The following ZMIZ1 variants were observed in gnomAD, a reference collection of about 807,000 sequenced individuals.
The protein encoded by ZMIZ1 is zinc finger MIZ domain-containing protein 1.
A neutral mutation model predicts 113.9 loss-of-function variants in ZMIZ1; 17 were observed. The ratio of observed to expected loss-of-function variants is 0.15; its 90% CI spans 0.10 to 0.22. The LOEUF (loss-of-function observed/expected upper bound fraction) is 0.22. Ranked by LOEUF, ZMIZ1 falls within the 10% of genes least tolerant of loss-of-function variation. ZMIZ1 has a pLI of 1.00. For synonymous variants in ZMIZ1, 607 were observed against 603.1 expected, an observed-to-expected ratio of 1.01 and a Z score of -0.09; for missense variants, 1,059 against 1,477.8, an observed-to-expected ratio of 0.72 and a Z score of 4.65.
At chr10:79,270,573 T>C (rs4980056) in intron 7 of ZMIZ1, among the ~76,000 whole-genome samples, 33,737 of 152,142 alleles carry the variant, frequency 0.22, 5,377 homozygotes, top group African/African-American at 0.45. Flanking sequence ...AGGACACGTG[T>C]TGCTTGTCAG....
intron 23 of ZMIZ1, 72 bp downstream of exon 23, chr10:79,307,643 G>A (rs925935729): frequency 6.6e-7 from 1 of 1,519,440 alleles, no homozygotes; most frequent in Non-Finnish European, 8.9e-7. Context: ...TGGATACCCT[G>A]TTCCCTCCCA....
chr10:79,088,097 A>C (rs1842870262), intron 1 of ZMIZ1, among the ~76,000 whole-genome samples: 1 of 152,132 alleles, frequency 6.6e-6, no homozygotes, highest in Non-Finnish European at 1.5e-5. Flanking sequence ...GCATGGTCTG[A>C]CCCCTGGCCC....
chr10:79,166,917 T>A (rs1846375003), intron 4 of ZMIZ1, among the ~76,000 whole-genome samples: 1 of 152,242 alleles, frequency 6.6e-6, no homozygotes, highest in Non-Finnish European at 1.5e-5. Context: ...CAGCCTGGCA[T>A]TCAAAGTCAC....
At position 79,314,552 on chromosome 10, in the gene ZMIZ1, C is replaced by A. The variant is rs1026873540; in HGVS notation, c.*1803C>A. On this transcript the variant is annotated 3_prime_UTR_variant, in exon 25 of 25. Coordinates refer to ENST00000334512, the MANE Select transcript of ZMIZ1 (RefSeq NM_020338.4). ...TATGCAAATCAATTATTTTAAGAAT[C>A]GCTTTTGTAAATATCTTTGTGAATA... 1.9e-5 allele frequency: 5 copies of A among 263,772 alleles called. No homozygotes were observed. Among genetic ancestry groups the A allele is most frequent in the African/African-American group, 1.1e-4 (5 of 44,204 alleles). 16.3% of individuals were successfully genotyped at this position (263,772 alleles called of 1,614,324 possible). A position where few individuals can be genotyped will look rare whatever the true frequency, so the allele number is the denominator to read the frequency against.
intron 4 of ZMIZ1, among the ~76,000 whole-genome samples, chr10:79,177,931 T>C (rs1846940437): frequency 6.6e-6 from 1 of 152,208 alleles, no homozygotes; most frequent in Admixed American, 6.5e-5. Context: ...TCTTTTCTTC[T>C]CTTTTGGACT....
intron 1 of ZMIZ1, among the ~76,000 whole-genome samples, chr10:79,079,624 G>A (rs184155353): frequency 6.6e-6 from 1 of 150,798 alleles, no homozygotes; most frequent in East Asian, 2.1e-4. Flanking sequence ...AGGCCACAGG[G>A]CCTGGCACTG....
intron 13 of ZMIZ1, among the ~76,000 whole-genome samples, chr10:79,297,105 GT>G (rs1375714315): frequency 6.6e-6 from 1 of 152,088 alleles, no homozygotes; most frequent in Non-Finnish European, 1.5e-5. Context: ...AGCCCCTGGG[GT>G]TTTTACTTTT....
At chr10:79,268,956 G>A (rs1428126513) in intron 7 of ZMIZ1, among the ~76,000 whole-genome samples, 3 of 152,202 alleles carry the variant, frequency 2.0e-5, no homozygotes, top group African/African-American at 7.2e-5. Flanking sequence ...GGAACAGACT[G>A]CAAAGATCAT....
At position 79,314,521 on chromosome 10, in the gene ZMIZ1, G is replaced by C. The variant is rs2132125103; in HGVS notation, c.*1772G>C. 1 of 316,332 alleles carries C rather than the reference G, an allele frequency of 3.2e-6. No homozygotes were observed. Among genetic ancestry groups the C allele is most frequent in the South Asian group, 2.6e-5 (1 of 38,074 alleles). The allele number at this position is 316,332 out of a possible 1,614,324, so 19.6% of individuals were successfully genotyped here. A position where few individuals can be genotyped will look rare whatever the true frequency, so the allele number is the denominator to read the frequency against. Reference sequence around the variant, plus strand: ...TCGAGGTTTTTTCAAATAGCGTGTTGTTCAGTATGCAAATCAATTATTTTA... The same window carrying C: ...TCGAGGTTTTTTCAAATAGCGTGTTCTTCAGTATGCAAATCAATTATTTTA... On this transcript the variant is annotated 3_prime_UTR_variant, in exon 25 of 25. Transcript: ENST00000334512.
At chr10:79,226,340 G>A (rs1849199518) in intron 7 of ZMIZ1, among the ~76,000 whole-genome samples, 1 of 152,086 alleles carries the variant, frequency 6.6e-6, no homozygotes, top group Non-Finnish European at 1.5e-5. Flanking sequence ...AGCTGGAACA[G>A]CTTCTCTGGA....
rs745656286 is a variant in ZMIZ1, at chr10:79,312,734, A to G, written c.3189A>G (p.Leu1063=). 6.2e-7 allele frequency: 1 copy of G among 1,613,966 alleles called. No individual in the cohort carries two copies. The highest frequency in any genetic ancestry group is 1.3e-5 in the African/African-American group (1 of 74,896). ...PSNSNDDLLS[L]FENN ...ATAGTAACGATGACCTCCTGTCTCT[A>G]TTTGAGAACAACTGAGGGCCACCCG... Residue 1063 remains leucine, a synonymous_variant, in exon 25 of 25, where the codon CTA becomes CTG. Coordinates refer to ENST00000334512, the MANE Select transcript of ZMIZ1 (RefSeq NM_020338.4).
At chr10:79,285,594 A>C (rs1297175528) in intron 8 of ZMIZ1, 1 of 455,918 alleles carries the variant, frequency 2.2e-6, no homozygotes, top group Non-Finnish European at 4.4e-6. Context: ...AACGAAATGG[A>C]CATATTCATT....
intron 4 of ZMIZ1, among the ~76,000 whole-genome samples, chr10:79,192,960 C>CT (rs1564710130): frequency 6.6e-6 from 1 of 152,140 alleles, no homozygotes; most frequent in East Asian, 1.9e-4. Flanking sequence ...TCTCTCTGCC[C>CT]TTCTTTCTGA....
rs1009499150 is a variant in ZMIZ1 at position 79,296,100 on chromosome 10, C to T, written c.1231-371C>T. 1.5e-5 allele frequency: 4 copies of T among 262,778 alleles called. No individual in the cohort carries two copies. The highest frequency in any genetic ancestry group is 6.9e-5 in the African/African-American group (3 of 43,646). 16.3% of individuals were successfully genotyped at this position (262,778 alleles called of 1,614,324 possible). On this transcript the variant is annotated intron_variant, in intron 12 of 24. Transcript: ENST00000334512. This position sits in a 1 kb window ranked among gnomAD's most constrained non-coding sequence, Gnocchi z 4.1. ...TCCTGTTGACTGTGTTCCTCTGTCACATTGGGGTACACATTGGGGAGCACA... is the reference window on the plus strand; with the variant it reads ...TCCTGTTGACTGTGTTCCTCTGTCATATTGGGGTACACATTGGGGAGCACA...
intron 5 of ZMIZ1, among the ~76,000 whole-genome samples, chr10:79,203,883 C>T (rs1848206358): frequency 1.3e-5 from 2 of 152,240 alleles, no homozygotes; most frequent in Non-Finnish European, 1.5e-5. Flanking sequence ...TCACCTGCCC[C>T]GGCACACACA....
intron 7 of ZMIZ1, among the ~76,000 whole-genome samples, chr10:79,234,701 G>GTCTT (rs1564540225): frequency 6.6e-6 from 1 of 152,184 alleles, no homozygotes; most frequent in African/African-American, 2.4e-5. Context: ...TGGAACCAGC[G>GTCTT]TCTTTGCCTT....
intron 7 of ZMIZ1, among the ~76,000 whole-genome samples, chr10:79,238,203 A>ACC (rs1849674129): frequency 6.6e-6 from 1 of 151,438 alleles, no homozygotes; most frequent in Non-Finnish European, 1.5e-5. Context: ...CTTTCCTGGA[A>ACC]CCCCAGTAAC....
intron 3 of ZMIZ1, among the ~76,000 whole-genome samples, chr10:79,141,814 G>A (rs1053575846): frequency 1.3e-5 from 2 of 152,170 alleles, no homozygotes; most frequent in Non-Finnish European, 2.9e-5. Flanking sequence ...ATCCAGTGTG[G>A]CTGGGAGGAT....
At chr10:79,262,865 G>A (rs565979276) in intron 7 of ZMIZ1, among the ~76,000 whole-genome samples, 8 of 152,346 alleles carry the variant, frequency 5.3e-5, no homozygotes, top group African/African-American at 1.9e-4. Context: ...TGGGGACTTG[G>A]AGAGGTTTAA....
Sources: allele counts gnomAD v4.1 joint callset (sites outside exome capture counted in the v4.1 genomes callset), GRCh38; gene constraint gnomAD v4.1.1; non-coding constraint Gnocchi (gnomAD v3.1); transcripts MANE v1.5; gene names NCBI Gene and HGNC (gene_info 2026-07-23, HGNC 2026-07-21).